The following INSYN2B variants were observed in gnomAD, a reference collection of about 807,000 sequenced individuals.
INSYN2B encodes the protein inhibitory synaptic factor family member 2B, also known as protein INSYN2B.
Under a neutral mutation model 41.2 loss-of-function variants are expected in INSYN2B, and 16 were observed. The observed-to-expected ratio is 0.39, with a 90% CI of 0.26 to 0.59. INSYN2B has a LOEUF of 0.59. INSYN2B is among the 20% of genes least tolerant of loss of function. The pLI is 0.57. For missense variants in INSYN2B, 608 were observed against 646.4 expected, an observed-to-expected ratio of 0.94 and a Z score of 0.64; for synonymous variants, 245 against 244.4, an observed-to-expected ratio of 1.00 and a Z score of -0.02.
chr5:169,919,385 C>T (rs1034903684), intron 1 of INSYN2B, among the ~76,000 whole-genome samples: 1 of 152,170 alleles, frequency 6.6e-6, no homozygotes, highest in Admixed American at 6.5e-5. Flanking sequence ...AAATAAATGG[C>T]TGGACACAAA....
rs1322293007 is a variant in INSYN2B, at chr5:169,863,430, A to G, written c.*843T>C. ...TGGATCTCATGATTTTAAATATTGC[A>G]GGTAAGTTAACTATGGAGTCTTAAA... On this transcript the variant is annotated 3_prime_UTR_variant, in exon 4 of 4. Coordinates refer to ENST00000377365, the MANE Select transcript of INSYN2B (RefSeq NM_001129891.3). Among the ~76,000 whole-genome samples the G allele has an allele frequency of 6.6e-6, 1 of 152,244 alleles. No homozygotes were observed. Among genetic ancestry groups the G allele is most frequent in the East Asian group, 1.9e-4 (1 of 5,202 alleles).
At chr5:169,943,353 C>A (rs905721879) in intron 1 of INSYN2B, among the ~76,000 whole-genome samples, 3 of 152,086 alleles carry the variant, frequency 2.0e-5, no homozygotes, top group African/African-American at 7.2e-5. Context: ...GCCCTGTGGA[C>A]AGGCAATACT....
At chr5:169,937,315 G>A (rs541722867) in intron 1 of INSYN2B, among the ~76,000 whole-genome samples, 3 of 152,258 alleles carry the variant, frequency 2.0e-5, no homozygotes, top group Admixed American at 6.5e-5. Flanking sequence ...TTGCCAACCC[G>A]TAGACTTGGG....
At position 169,862,447 on chromosome 5, in the gene INSYN2B, C is replaced by T. The variant is rs1224896184; in HGVS notation, c.*1826G>A. ...AAATGATTTCACTTTATTGGATTAT[C>T]CTCTATTCTGTTCTTTTCCATTGCT... On this transcript the variant is annotated 3_prime_UTR_variant, in exon 4 of 4. Coordinates refer to ENST00000377365, the MANE Select transcript of INSYN2B (RefSeq NM_001129891.3). Among the ~76,000 whole-genome samples, 1 of 152,130 alleles carries T rather than the reference C, an allele frequency of 6.6e-6. No homozygotes were observed. The highest frequency in any genetic ancestry group is 1.5e-5 in the Non-Finnish European group (1 of 68,032).
intron 1 of INSYN2B, among the ~76,000 whole-genome samples, chr5:169,923,961 G>A (rs1033453993): frequency 1.3e-5 from 2 of 152,174 alleles, no homozygotes; most frequent in East Asian, 1.9e-4. Flanking sequence ...GAAACATTGC[G>A]GTTGGCAAAA....
At chr5:169,977,250 G>A (rs1195294388) in intron 1 of INSYN2B, among the ~76,000 whole-genome samples, 1 of 152,202 alleles carries the variant, frequency 6.6e-6, no homozygotes, top group Non-Finnish European at 1.5e-5. Context: ...CCAAAAGCAT[G>A]TTCAGCGGCA....
At chr5:169,903,072 T>TG (rs201154070) in intron 1 of INSYN2B, among the ~76,000 whole-genome samples, 2,589 of 151,460 alleles carry the variant, frequency 0.017, 30 homozygotes, top group Middle Eastern at 0.068. Context: ...TACTCCAGCC[T>TG]GGCGACAGAG....
intron 1 of INSYN2B, among the ~76,000 whole-genome samples, chr5:169,955,315 T>C (rs1776818186): frequency 1.3e-5 from 2 of 151,952 alleles, no homozygotes; most frequent in African/African-American, 2.4e-5. Context: ...GCCTTTCCCA[T>C]AGGAAGGTTC....
Position 169,911,351 on chromosome 5 carries a change from A to C in INSYN2B, c.-918-26535T>G, listed in dbSNP as rs1774587640. On this transcript the variant is annotated intron_variant, in intron 1 of 3. Coordinates refer to ENST00000377365, the MANE Select transcript of INSYN2B (RefSeq NM_001129891.3). ...TCTGTTTATTAGAGAACTCTCCTTC[A>C]CTTCTCTTTTCATGCTATGGCGTTC... Among the ~76,000 whole-genome samples the C allele has an allele frequency of 3.9e-5, 6 of 152,172 alleles. No homozygotes were observed. In the South Asian group the frequency reaches 1.2e-3, roughly 32 times the overall value.
At position 169,894,178 on chromosome 5, in the gene INSYN2B, G is replaced by A. The variant is rs575045044; in HGVS notation, c.-918-9362C>T. 5.3e-4 allele frequency among the ~76,000 whole-genome samples: 80 copies of A among 152,262 alleles called. 1 individual carries two copies. The highest frequency in any genetic ancestry group is 1.9e-3 in the African/African-American group (78 of 41,564). On this transcript the variant is annotated intron_variant, in intron 1 of 3. Coordinates refer to ENST00000377365, the MANE Select transcript of INSYN2B (RefSeq NM_001129891.3). ...TCACAACAAGTTTTGCCAAGACTAGGCATTATCACTCCCATTTTGCAGATG... is the reference window on the plus strand; with the variant it reads ...TCACAACAAGTTTTGCCAAGACTAGACATTATCACTCCCATTTTGCAGATG...
At chr5:169,902,848 C>A (rs1215738438) in intron 1 of INSYN2B, among the ~76,000 whole-genome samples, 1 of 152,126 alleles carries the variant, frequency 6.6e-6, no homozygotes, top group Non-Finnish European at 1.5e-5. Flanking sequence ...GCCTGTAATC[C>A]CAACAGTTTG....
chr5:169,952,358 A>G (rs2113727772), intron 1 of INSYN2B, among the ~76,000 whole-genome samples: 1 of 152,176 alleles, frequency 6.6e-6, no homozygotes, highest in South Asian at 2.1e-4. Context: ...TCCTTTCTCC[A>G]AGTAACTCAA....
chr5:169,963,788 A>T (rs1333512982), intron 1 of INSYN2B, among the ~76,000 whole-genome samples: 1 of 152,018 alleles, frequency 6.6e-6, no homozygotes, highest in Non-Finnish European at 1.5e-5. Flanking sequence ...ATGCTCTCTA[A>T]GGCCCTGGCT....
chr5:169,946,568 T>C (rs1776459030), intron 1 of INSYN2B, among the ~76,000 whole-genome samples: 1 of 152,200 alleles, frequency 6.6e-6, no homozygotes, highest in Non-Finnish European at 1.5e-5. Context: ...CATCCATTCA[T>C]TCATTCATTC....
At chr5:169,925,781 G>A (rs1049531019) in intron 1 of INSYN2B, among the ~76,000 whole-genome samples, 2 of 152,014 alleles carry the variant, frequency 1.3e-5, no homozygotes, top group African/African-American at 4.8e-5. Flanking sequence ...CAGGATGCCA[G>A]ACCAATAATG....
chr5:169,978,493 G>C (rs577057593), intron 1 of INSYN2B, among the ~76,000 whole-genome samples: 8 of 151,084 alleles, frequency 5.3e-5, no homozygotes, highest in South Asian at 2.1e-4. Context: ...TCAATATCAT[G>C]ATGATGATGA....
chr5:169,978,499 G>C (rs963928489), intron 1 of INSYN2B, among the ~76,000 whole-genome samples: 1 of 151,664 alleles, frequency 6.6e-6, no homozygotes, highest in South Asian at 2.1e-4. Context: ...TCATGATGAT[G>C]ATGATGATGA....
chr5:169,903,703 G>A (rs1774096732), intron 1 of INSYN2B, among the ~76,000 whole-genome samples: 1 of 152,118 alleles, frequency 6.6e-6, no homozygotes, highest in Non-Finnish European at 1.5e-5. Flanking sequence ...TCGGGGCAGG[G>A]GGAGAAAAGA....
chr5:169,873,814 T>C (rs1772134144), intron 3 of INSYN2B, among the ~76,000 whole-genome samples: 1 of 152,172 alleles, frequency 6.6e-6, no homozygotes, highest in Non-Finnish European at 1.5e-5. Context: ...AGAAGCACTC[T>C]CAGACCTCCA....
Sources: allele counts gnomAD v4.1 joint callset (sites outside exome capture counted in the v4.1 genomes callset), GRCh38; gene constraint gnomAD v4.1.1; transcripts MANE v1.5; gene names NCBI Gene and HGNC (gene_info 2026-07-23, HGNC 2026-07-21).